Variants in PCDHA2 observed in about 807,000 individuals in gnomAD.
PCDHA2 encodes protocadherin alpha-2.
A neutral mutation model predicts 66.0 loss-of-function variants in PCDHA2; 58 were observed. The ratio of observed to expected loss-of-function variants is 0.88; its 90% confidence interval spans 0.71 to 1.09. The LOEUF (loss-of-function observed/expected upper bound fraction) is 1.09, where lower values mean the gene tolerates loss of function less well. Among genes scored for constraint, PCDHA2 ranks in the 50% least tolerant of loss-of-function variants. PCDHA2 has a pLI of 0.00. For missense variants in PCDHA2, 1,267 were observed against 1,242.3 expected, an observed-to-expected ratio of 1.02 and a Z score of -0.30; for synonymous variants, 634 against 554.0, an observed-to-expected ratio of 1.14 and a Z score of -2.03.
At chr5:140,861,474 G>A in intron 1 of PCDHA2, 1 of 493,958 alleles carries the variant, frequency 2.0e-6, no homozygotes, top group East Asian at 5.8e-5. Context: ...TCTGCAGAAT[G>A]GCATTTTTGT....
chr5:140,897,999 G>A (rs1411789620), intron 1 of PCDHA2, among the ~76,000 whole-genome samples: 3 of 152,142 alleles, frequency 2.0e-5, no homozygotes, highest in East Asian at 1.9e-4. Context: ...TTTGAGAAGT[G>A]TCTGTTCATA....
Position 140,856,344 on chromosome 5 carries a change from T to C in PCDHA2, c.2388+58992T>C, listed in dbSNP as rs782335067. 2.8e-5 allele frequency: 45 copies of C among 1,598,188 alleles called. 4 individuals are homozygous for C. The highest frequency in any genetic ancestry group is 1.5e-4 in the Admixed American group (9 of 59,260). On this transcript the variant is annotated intron_variant, in intron 1 of 3. Transcript: ENST00000526136. The stretch of plus-strand genomic sequence containing the variant: ...CGCGAGGAGCTGTGCGGGCGGAGCG[T>C]GGAGTGCAGCATCCACCTGGAGGTG...
intron 1 of PCDHA2, chr5:140,836,653 G>C (rs2150266924): frequency 6.2e-7 from 1 of 1,613,508 alleles, no homozygotes; most frequent in East Asian, 2.2e-5. Context: ...AGGCGGCAGA[G>C]GGTGTGCTCT....
At chr5:140,879,136 T>C (rs1225791251) in intron 1 of PCDHA2, among the ~76,000 whole-genome samples, 4 of 152,206 alleles carry the variant, frequency 2.6e-5, no homozygotes, top group Admixed American at 2.6e-4. Flanking sequence ...GGGGAGATTG[T>C]GAAGGCAGGA....
At chr5:140,883,834 G>A (rs891069385) in intron 1 of PCDHA2, 1 of 1,612,658 alleles carries the variant, frequency 6.2e-7, no homozygotes, top group Non-Finnish European at 8.5e-7. Context: ...CGCTGCAGCC[G>A]TTGGACCACG....
At chr5:140,798,967 G>A (rs1407336849) in intron 1 of PCDHA2, among the ~76,000 whole-genome samples, 5 of 152,140 alleles carry the variant, frequency 3.3e-5, no homozygotes, top group Admixed American at 1.3e-4. Flanking sequence ...CCATTTCATA[G>A]TTAGGTCAGA....
intron 1 of PCDHA2, chr5:140,927,132 G>C: frequency 6.2e-7 from 1 of 1,614,052 alleles, no homozygotes; most frequent in Non-Finnish European, 8.5e-7. Context: ...TCAGAGAGCC[G>C]GCGGACCGCG....
chr5:140,876,297 A>G, intron 1 of PCDHA2: 1 of 1,614,092 alleles, frequency 6.2e-7, no homozygotes, highest in Non-Finnish European at 8.5e-7. Flanking sequence ...GACTTAATGG[A>G]GAAATTTCCT....
At chr5:140,921,920 TTA>T (rs1253318185) in intron 1 of PCDHA2, among the ~76,000 whole-genome samples, 1 of 151,888 alleles carries the variant, frequency 6.6e-6, no homozygotes, top group African/African-American at 2.4e-5. Flanking sequence ...ATGATAAAAC[TTA>T]TAGTCAATAT....
At chr5:140,973,273 C>A (rs1180418925) in intron 1 of PCDHA2, among the ~76,000 whole-genome samples, 1 of 152,150 alleles carries the variant, frequency 6.6e-6, no homozygotes, top group Non-Finnish European at 1.5e-5. Flanking sequence ...ACTTTTATTT[C>A]CCCCAGCACT....
chr5:140,808,474 C>T, intron 1 of PCDHA2: 1 of 1,614,152 alleles, frequency 6.2e-7, no homozygotes. Context: ...CCGCGCGAGA[C>T]GGGGGCTCGC....
intron 3 of PCDHA2, among the ~76,000 whole-genome samples, chr5:140,985,614 C>G (rs2097160648): frequency 6.6e-6 from 1 of 152,100 alleles, no homozygotes; most frequent in East Asian, 1.9e-4. Flanking sequence ...TTCCGTGAAC[C>G]AGCTGTGTAT....
intron 3 of PCDHA2, among the ~76,000 whole-genome samples, chr5:141,003,906 T>C (rs2153979379): frequency 6.6e-6 from 1 of 152,260 alleles, no homozygotes; most frequent in South Asian, 2.1e-4. Context: ...TTCATTTGGG[T>C]CTTGACTGCA....
At chr5:140,828,165 A>T (rs2150151660) in intron 1 of PCDHA2, 1 of 1,614,154 alleles carries the variant, frequency 6.2e-7, no homozygotes, top group South Asian at 1.1e-5. Flanking sequence ...GCAGCCTGGA[A>T]GGTGGGGAGC....
intron 1 of PCDHA2, chr5:140,802,799 G>A (rs1203232637): frequency 4.3e-6 from 7 of 1,613,410 alleles, no homozygotes; most frequent in South Asian, 2.2e-5. Flanking sequence ...TGCAGTTCCA[G>A]GTGAGTGCGC....
intron 1 of PCDHA2, among the ~76,000 whole-genome samples, chr5:140,970,479 G>A (rs782054417): frequency 1.3e-4 from 20 of 152,160 alleles, no homozygotes; most frequent in Admixed American, 8.5e-4. Context: ...AGGCCAGCTT[G>A]TTCATTATTA....
intron 1 of PCDHA2, among the ~76,000 whole-genome samples, chr5:140,938,921 T>C (rs2092266107): frequency 6.6e-6 from 1 of 151,840 alleles, no homozygotes; most frequent in Non-Finnish European, 1.5e-5. Context: ...GCACAAGAAA[T>C]TGGCTTTTAA....
intron 1 of PCDHA2, chr5:140,928,751 C>T (rs1387564129): frequency 6.2e-7 from 1 of 1,614,180 alleles, no homozygotes; most frequent in Non-Finnish European, 8.5e-7. Flanking sequence ...GAGCTCCGTA[C>T]TGCTCGCTTA....
chr5:140,935,734 C>G (rs1290620794), intron 1 of PCDHA2, among the ~76,000 whole-genome samples: 1 of 152,032 alleles, frequency 6.6e-6, no homozygotes, highest in East Asian at 1.9e-4. Flanking sequence ...AGTCTAGTAT[C>G]TATTATTCCA....
Sources: gnomAD v4.1 joint callset for allele counts (sites outside exome capture counted in the v4.1 genomes callset) on GRCh38, gnomAD v4.1.1 for gene constraint, MANE v1.5 for transcripts, NCBI Gene and HGNC (gene_info 2026-07-23, HGNC 2026-07-21) for gene names.